Variants in SIL1 observed in about 807,000 individuals in gnomAD.
The protein encoded by SIL1 is SIL1 nucleotide exchange factor.
In SIL1, 40 loss-of-function variants were observed where a neutral mutation model predicts 49.1. The observed-to-expected ratio is 0.81, with a 90% CI of 0.63 to 1.06. The LOEUF is 1.06. Ranked by LOEUF, SIL1 falls within the 50% of genes least tolerant of loss-of-function variation. The pLI is 0.00. For missense variants in SIL1, 500 were observed against 572.6 expected (o/e 0.87, Z 1.29); for synonymous variants, 253 against 250.8 (o/e 1.01, Z -0.08).
intron 7 of SIL1, among the ~76,000 whole-genome samples, chr5:138,955,875 G>A (rs543500415): frequency 2.6e-5 from 4 of 152,280 alleles, no homozygotes; most frequent in African/African-American, 4.8e-5. Context: ...TCAACCAACC[G>A]GAACAACAAG....
intron 5 of SIL1, among the ~76,000 whole-genome samples, chr5:139,041,818 C>CAAAAAAAAAA (rs536666463): frequency 2.1e-4 from 18 of 86,200 alleles, no homozygotes; most frequent in Admixed American, 2.5e-4. Context: ...AACTCAAAAA[C>CAAAAAAAAAA]AAAAAAAAAA....
intron 3 of SIL1, among the ~76,000 whole-genome samples, chr5:139,061,735 G>A (rs1769593769): frequency 6.6e-6 from 1 of 152,154 alleles, no homozygotes; most frequent in Non-Finnish European, 1.5e-5. Flanking sequence ...ATGTCAACCC[G>A]GATGAAGCAA....
At chr5:139,142,803 C>G (rs1040010276) in intron 1 of SIL1, among the ~76,000 whole-genome samples, 1 of 151,946 alleles carries the variant, frequency 6.6e-6, no homozygotes. Context: ...GAGTCTCGCT[C>G]TGTTGCCCAG....
At chr5:138,963,683 T>C (rs1025533845) in intron 7 of SIL1, among the ~76,000 whole-genome samples, 1 of 152,232 alleles carries the variant, frequency 6.6e-6, no homozygotes. Flanking sequence ...GTGAACAATA[T>C]GGTGAACCAT....
intron 2 of SIL1, among the ~76,000 whole-genome samples, chr5:139,122,487 T>C (rs1463794030): frequency 6.6e-6 from 1 of 151,680 alleles, no homozygotes; most frequent in East Asian, 1.9e-4. Flanking sequence ...CCCAGCTACT[T>C]GGGCGGCTGA....
chr5:139,155,160 T>G (rs181757567), intron 1 of SIL1, among the ~76,000 whole-genome samples: 1 of 152,318 alleles, frequency 6.6e-6, no homozygotes, highest in African/African-American at 2.4e-5. Context: ...CATAAACTAT[T>G]TTGAATGCTA....
At chr5:139,160,405 T>C (rs568520916) in intron 1 of SIL1, among the ~76,000 whole-genome samples, 1 of 152,318 alleles carries the variant, frequency 6.6e-6, no homozygotes, top group East Asian at 1.9e-4. Context: ...GAGCAGAGCC[T>C]TAATAATGAT....
chr5:138,966,617 AAAAC>A (rs1395458375), intron 7 of SIL1, among the ~76,000 whole-genome samples: 7 of 152,070 alleles, frequency 4.6e-5, no homozygotes, highest in Non-Finnish European at 1.0e-4. Context: ...AGAAATGCCA[AAAAC>A]AAACAAAACA....
intron 7 of SIL1, among the ~76,000 whole-genome samples, chr5:138,967,641 A>T (rs1483292131): frequency 1.3e-5 from 2 of 152,254 alleles, no homozygotes; most frequent in African/African-American, 4.8e-5. Context: ...GATGAGAAGC[A>T]TAAAAGGGAC....
chr5:139,095,890 A>G (rs1438521112), intron 3 of SIL1, among the ~76,000 whole-genome samples: 1 of 152,204 alleles, frequency 6.6e-6, no homozygotes, highest in East Asian at 1.9e-4. Flanking sequence ...GACACAGAAC[A>G]AGATGGTGGA....
chr5:138,949,829 GAAAAGAA>G (rs1339578897), intron 9 of SIL1, among the ~76,000 whole-genome samples: 41 of 148,852 alleles, frequency 2.8e-4, no homozygotes, highest in South Asian at 1.1e-3. Context: ...AAAAAGAAAA[GAAAAGAA>G]AAAAGAAAAA....
intron 1 of SIL1, among the ~76,000 whole-genome samples, chr5:139,130,621 T>G (rs960687905): frequency 6.6e-6 from 1 of 152,162 alleles, no homozygotes; most frequent in Non-Finnish European, 1.5e-5. Flanking sequence ...GCAATTCCAC[T>G]CCTAGGCATA....
chr5:139,047,002 A>G (rs1236929742), intron 4 of SIL1, among the ~76,000 whole-genome samples: 3 of 152,212 alleles, frequency 2.0e-5, no homozygotes, highest in Non-Finnish European at 2.9e-5. Flanking sequence ...CTGTATCCCA[A>G]TGCCTGGCAC....
chr5:139,178,282 G>C (rs1032878368), intron 1 of SIL1, among the ~76,000 whole-genome samples: 1 of 152,166 alleles, frequency 6.6e-6, no homozygotes, highest in Non-Finnish European at 1.5e-5. Flanking sequence ...ACCTATTACA[G>C]TAATGTTCCT....
At chr5:139,102,708 CTT>C (rs66644479) in intron 3 of SIL1, among the ~76,000 whole-genome samples, 112 of 137,912 alleles carry the variant, frequency 8.1e-4, no homozygotes, top group Non-Finnish European at 7.9e-4. Flanking sequence ...CTGCTTTTTT[CTT>C]TTTTTTTTTT....
At chr5:139,009,934 A>G (rs1405739963) in intron 7 of SIL1, among the ~76,000 whole-genome samples, 2 of 151,238 alleles carry the variant, frequency 1.3e-5, no homozygotes, top group Admixed American at 6.6e-5. Context: ...TCTGACAATT[A>G]TGTGTCTTGG....
chr5:139,193,411 C>T (rs571205634), intron 1 of SIL1, among the ~76,000 whole-genome samples: 66 of 152,070 alleles, frequency 4.3e-4, no homozygotes, highest in African/African-American at 1.5e-3. Flanking sequence ...TACTAAATAA[C>T]ACAAAAATTA....
At chr5:138,961,834 T>C (rs894681719) in intron 7 of SIL1, among the ~76,000 whole-genome samples, 5 of 152,140 alleles carry the variant, frequency 3.3e-5, no homozygotes, top group Admixed American at 2.6e-4. Context: ...TCAGACATCA[T>C]ATCTACTTTT....
intron 3 of SIL1, among the ~76,000 whole-genome samples, chr5:139,090,349 T>G (rs919400676): frequency 1.3e-5 from 2 of 152,212 alleles, no homozygotes; most frequent in African/African-American, 4.8e-5. Flanking sequence ...AGGATGCTCT[T>G]GATTCTCTTC....
Sources: allele counts gnomAD v4.1 joint callset (sites outside exome capture counted in the v4.1 genomes callset), GRCh38; gene constraint gnomAD v4.1.1; transcripts MANE v1.5; gene names NCBI Gene and HGNC (gene_info 2026-07-23, HGNC 2026-07-21).